Variants in KCNH1 observed in about 807,000 individuals in gnomAD.
The protein encoded by KCNH1 is voltage-gated delayed rectifier potassium channel KCNH1.
Under a neutral mutation model 69.2 loss-of-function variants are expected in KCNH1, and 27 were observed. The ratio of observed to expected loss-of-function variants is 0.39; its 90% CI spans 0.29 to 0.54. The LOEUF is 0.54. KCNH1 is among the 20% of genes least tolerant of loss of function. The pLI is 0.68. For synonymous variants in KCNH1, 456 were observed against 487.7 expected, an observed-to-expected ratio of 0.93 and a Z score of 0.86; for missense variants, 798 against 1,261.6, an observed-to-expected ratio of 0.63 and a Z score of 5.57.
intron 6 of KCNH1, among the ~76,000 whole-genome samples, chr1:210,992,328 C>T (rs1688952398): frequency 6.6e-6 from 1 of 152,168 alleles, no homozygotes; most frequent in Admixed American, 6.6e-5. Context: ...TGTTTGACCA[C>T]CTGATGATTC....
intron 6 of KCNH1, among the ~76,000 whole-genome samples, chr1:210,984,547 A>T (rs968567088): frequency 3.3e-5 from 5 of 152,238 alleles, no homozygotes; most frequent in South Asian, 2.1e-4. Context: ...GGTTTTTGTC[A>T]CTGGTTCTGT....
At chr1:210,941,283 T>C (rs895397870) in intron 6 of KCNH1, among the ~76,000 whole-genome samples, 2 of 152,160 alleles carry the variant, frequency 1.3e-5, no homozygotes, top group Admixed American at 6.5e-5. Context: ...CATAATCCAC[T>C]TCAGTGGCAT....
At chr1:210,846,284 C>G (rs544657322) in intron 7 of KCNH1, among the ~76,000 whole-genome samples, 2 of 152,240 alleles carry the variant, frequency 1.3e-5, no homozygotes, top group Non-Finnish European at 2.9e-5. Flanking sequence ...CAATCCTAAG[C>G]CAAAAGAACA....
chr1:210,988,529 C>A (rs1351239640), intron 6 of KCNH1, among the ~76,000 whole-genome samples: 2 of 152,148 alleles, frequency 1.3e-5, no homozygotes, highest in African/African-American at 2.4e-5. Context: ...ATAATACATG[C>A]CATGTCTATT....
At chr1:210,824,098 G>A (rs996885311) in intron 7 of KCNH1, among the ~76,000 whole-genome samples, 2 of 151,914 alleles carry the variant, frequency 1.3e-5, no homozygotes, top group Admixed American at 6.6e-5. Context: ...ACTATACCCC[G>A]ACCTCTTGCT....
intron 5 of KCNH1, among the ~76,000 whole-genome samples, chr1:211,066,601 T>C (rs1281122501): frequency 6.6e-6 from 1 of 152,234 alleles, no homozygotes; most frequent in South Asian, 2.1e-4. Context: ...AACCTGTATA[T>C]GCCATAGGGT....
At chr1:210,799,473 T>A (rs1036024545) in intron 8 of KCNH1, among the ~76,000 whole-genome samples, 1 of 152,216 alleles carries the variant, frequency 6.6e-6, no homozygotes, top group African/African-American at 2.4e-5. Flanking sequence ...TATGCAGATC[T>A]CATCTTCTGA....
intron 7 of KCNH1, among the ~76,000 whole-genome samples, chr1:210,846,269 C>T (rs548692304): frequency 1.5e-3 from 226 of 152,292 alleles, no homozygotes; most frequent in Non-Finnish European, 2.7e-3. Context: ...CCCGCATCGC[C>T]AAGTCAATCC....
intron 7 of KCNH1, among the ~76,000 whole-genome samples, chr1:210,886,452 A>T (rs1471795479): frequency 1.3e-5 from 2 of 152,154 alleles, no homozygotes; most frequent in Non-Finnish European, 2.9e-5. Context: ...ACTAGTGCAA[A>T]AAGTCTGAAA....
intron 6 of KCNH1, among the ~76,000 whole-genome samples, chr1:211,002,652 A>T (rs1571569654): frequency 6.6e-6 from 1 of 152,190 alleles, no homozygotes; most frequent in Non-Finnish European, 1.5e-5. Context: ...TGACAATTCT[A>T]ACTCTGAATA....
intron 5 of KCNH1, among the ~76,000 whole-genome samples, chr1:211,024,738 A>G (rs775926239): frequency 6.6e-6 from 1 of 152,172 alleles, no homozygotes; most frequent in Non-Finnish European, 1.5e-5. Context: ...AGAGAAAAGC[A>G]GTCCAATTTT....
At chr1:210,976,753 G>A (rs185972971) in intron 6 of KCNH1, among the ~76,000 whole-genome samples, 1 of 149,508 alleles carries the variant, frequency 6.7e-6, no homozygotes, top group African/African-American at 2.5e-5. Flanking sequence ...CACATACAAT[G>A]AGATACCATC....
At position 210,834,449 on chromosome 1, in the gene KCNH1, C is replaced by A. The variant is rs1385070974; in HGVS notation, c.1463-30283G>T. Among the ~76,000 whole-genome samples the A allele has an allele frequency of 5.1e-5, 7 of 137,922 alleles. No individual in the cohort carries two copies. The East Asian group carries it at 1.5e-3, about 30-fold the overall frequency. The allele number at this position is 137,922 out of a possible 152,430, so 90.5% of individuals were successfully genotyped here. On this transcript the variant is annotated intron_variant, in intron 7 of 10. Transcript: ENST00000271751. ...TATCGCAAGAACAAAAAACCAAACA[C>A]CGCATATTCTCACTCATAGGTGGGA...
chr1:211,115,033 A>G (rs1478108268), intron 1 of KCNH1, among the ~76,000 whole-genome samples: 2 of 151,854 alleles, frequency 1.3e-5, no homozygotes, highest in African/African-American at 4.8e-5. Flanking sequence ...CAGTGGTGCA[A>G]TCTCGGCTCA....
At chr1:210,889,255 C>A (rs1686690508) in intron 7 of KCNH1, among the ~76,000 whole-genome samples, 1 of 152,184 alleles carries the variant, frequency 6.6e-6, no homozygotes, top group Non-Finnish European at 1.5e-5. Context: ...TCAACATACA[C>A]AAATAAATAA....
chr1:210,943,670 C>A (rs1290580975), intron 6 of KCNH1, among the ~76,000 whole-genome samples: 2 of 152,054 alleles, frequency 1.3e-5, no homozygotes, highest in East Asian at 3.9e-4. Flanking sequence ...TCTTTTTAAG[C>A]AGTGAGCAGG....
chr1:211,111,405 G>C (rs1691459161), intron 1 of KCNH1, among the ~76,000 whole-genome samples: 1 of 147,146 alleles, frequency 6.8e-6, no homozygotes, highest in Non-Finnish European at 1.5e-5. Context: ...GGGAAGTCAG[G>C]AGCGCTTCTG....
chr1:211,115,701 CTATATATATATATATGTA>C lies in KCNH1; in HGVS notation c.80-8342_80-8325del, dbSNP rs1322101724. ...GTAAGTTAATACTTAATAAACTCCC[CTATATATATATATATGTA>C]TATATATATATACACACACACACAC... On this transcript the variant is annotated intron_variant, in intron 1 of 10. Coordinates refer to ENST00000271751, the MANE Select transcript of KCNH1 (RefSeq NM_172362.3). Among the ~76,000 whole-genome samples, 6 of 70,794 alleles carry C rather than the reference CTATATATATATATATGTA, an allele frequency of 8.5e-5. No individual in the cohort carries two copies. In the South Asian group the frequency reaches 1.5e-3, roughly 17 times the overall value. 46.4% of individuals were successfully genotyped at this position (70,794 alleles called of 152,430 possible). A position where few individuals can be genotyped will look rare whatever the true frequency, so the allele number is the denominator to read the frequency against.
At chr1:211,022,646 A>T (rs1689607016) in intron 5 of KCNH1, among the ~76,000 whole-genome samples, 1 of 152,226 alleles carries the variant, frequency 6.6e-6, no homozygotes, top group Non-Finnish European at 1.5e-5. Flanking sequence ...AATGTGATTT[A>T]AAAATGAGGA....
Sources: gnomAD v4.1 joint callset for allele counts (sites outside exome capture counted in the v4.1 genomes callset) on GRCh38, gnomAD v4.1.1 for gene constraint, MANE v1.5 for transcripts, NCBI Gene and HGNC (gene_info 2026-07-23, HGNC 2026-07-21) for gene names.